The following USP42 variants were observed in gnomAD, a reference collection of about 807,000 sequenced individuals.
USP42 encodes the protein ubiquitin carboxyl-terminal hydrolase 42.
Under a neutral mutation model 113.0 loss-of-function variants are expected in USP42, and 23 were observed. The observed-to-expected ratio is 0.20, with a 90% CI of 0.15 to 0.29. The LOEUF (loss-of-function observed/expected upper bound fraction) is 0.29. Among genes scored for constraint, USP42 ranks in the 10% least tolerant of loss-of-function variants. The pLI is 1.00. For synonymous variants in USP42, 933 were observed against 699.0 expected (o/e 1.33, Z -5.28); for missense variants, 2,174 against 1,779.8 (o/e 1.22, Z -3.99).
In USP42 at chr7:6,116,761, C is replaced by T. The variant is rs755183520; in HGVS notation, c.442+1238C>T. 20 of 532,766 alleles carry T rather than the reference C, an allele frequency of 3.8e-5. 1 individual carries two copies. The highest frequency in any genetic ancestry group is 1.3e-4 in the South Asian group (9 of 71,450). 33.0% of individuals were successfully genotyped at this position (532,766 alleles called of 1,614,324 possible). ...GGGGTGTTTGTTATGCCAGAATTAA[C>T]GTTCTGTTTGCCCTCATTTTCTCCC... On this transcript the variant is annotated intron_variant, in intron 3 of 17. Transcript: ENST00000306177.
intron 2 of USP42, among the ~76,000 whole-genome samples, chr7:6,113,957 C>G (rs1158413237): frequency 1.3e-5 from 2 of 152,190 alleles, no homozygotes; most frequent in African/African-American, 2.4e-5. Flanking sequence ...GGGGGACTGC[C>G]AAAGCCTTTG....
At chr7:6,132,502 C>T (rs889003930) in intron 3 of USP42, among the ~76,000 whole-genome samples, 9 of 148,732 alleles carry the variant, frequency 6.1e-5, no homozygotes, top group African/African-American at 2.0e-4. Flanking sequence ...GGGTTACAGG[C>T]GCACACCACC....
In USP42 at chr7:6,111,765, G is replaced by C. The variant is rs1464538490; in HGVS notation, c.241+391G>C. The C allele has an allele frequency of 2.2e-5, 3 of 136,430 alleles. No individual in the cohort carries two copies. The East Asian group carries it at 7.7e-4, about 35-fold the overall frequency. The allele number at this position is 136,430 out of a possible 1,614,324, so 8.5% of individuals were successfully genotyped here. A position where few individuals can be genotyped will look rare whatever the true frequency, so the allele number is the denominator to read the frequency against. ...CTACAGGCGCCTGCCACCAAGCCCG[G>C]CTAATTTTTTTTTTTTTTTTTGTAT... On this transcript the variant is annotated intron_variant, in intron 2 of 17. Transcript: ENST00000306177.
At chr7:6,087,641 C>T in the USP42 span, among the ~76,000 whole-genome samples, 3 of 151,102 alleles carry the variant, frequency 2.0e-5, no homozygotes, top group Non-Finnish European at 4.4e-5. Flanking sequence ...CCGCCTCACA[C>T]TTCTTTAACT....
intron 15 of USP42, 95 bp from the exon 16 acceptor site, chr7:6,156,659 T>A: frequency 6.9e-7 from 1 of 1,443,262 alleles, no homozygotes; most frequent in Non-Finnish European, 9.1e-7. Context: ...GCACAGTGAA[T>A]GTTCTCGGTG....
Position 6,154,220 on chromosome 7 carries a change from G to C in USP42, c.2666G>C (p.Ser889Thr). ...HARDAQDPSQ[S>T]LGAPEAAERP... ...CGGGACGCTCAGGACCCATCCCAGA[G>C]CTTGGGCGCACCCGAGGCCGCAGAG... is the stretch of plus-strand genomic sequence containing the variant. Residue 889 changes from serine (S) to threonine (T), a missense_variant, in exon 15 of 18, where the codon AGC becomes ACC. Transcript: ENST00000306177. 6.2e-7 allele frequency: 1 copy of C among 1,607,068 alleles called. No homozygotes were observed. Among genetic ancestry groups the C allele is most frequent in the Non-Finnish European group, 8.5e-7 (1 of 1,178,998 alleles).
chr7:6,133,659 A>G (rs1289788990), intron 3 of USP42, among the ~76,000 whole-genome samples: 1 of 151,892 alleles, frequency 6.6e-6, no homozygotes, highest in African/African-American at 2.4e-5. Context: ...AGCTGAGACT[A>G]CAAGCACGTG....
chr7:6,128,968 G>T (rs973097047), intron 3 of USP42, among the ~76,000 whole-genome samples: 3 of 152,126 alleles, frequency 2.0e-5, no homozygotes, highest in Middle Eastern at 6.8e-3. Context: ...CTACAGCTGT[G>T]CGCGACCATG....
Position 6,157,889 on chromosome 7 carries a change from G to C in USP42, c.3943+834G>C, listed in dbSNP as rs1473392898. Among the ~76,000 whole-genome samples, 1 of 152,158 alleles carries C rather than the reference G, an allele frequency of 6.6e-6. No individual in the cohort carries two copies. The highest frequency in any genetic ancestry group is 1.5e-5 in the Non-Finnish European group (1 of 68,034). The stretch of plus-strand genomic sequence containing the variant: ...TCTCCGTCCTGTGGCCACACGCTGT[G>C]CTCTTACTGCACTTGAGGCAGCCCC... On this transcript the variant is annotated intron_variant, in intron 16 of 17. Transcript: ENST00000306177. This position sits in a 1 kb window ranked among gnomAD's most constrained non-coding sequence, Gnocchi z 4.1.
the USP42 span, among the ~76,000 whole-genome samples, chr7:6,092,627 G>T: frequency 2.0e-5 from 3 of 151,202 alleles, no homozygotes; most frequent in Non-Finnish European, 4.4e-5. Context: ...ACAGCTCCGG[G>T]TTCCAAACAA....
At chr7:6,105,504 CG>C (rs1448019456) in intron 1 of USP42, among the ~76,000 whole-genome samples, 1 of 149,488 alleles carries the variant, frequency 6.7e-6, no homozygotes, top group Non-Finnish European at 1.5e-5. Flanking sequence ...CCTCCCGCCC[CG>C]GAGCCCCCTC....
chr7:6,151,299 AT>A (rs1360800928), intron 14 of USP42, among the ~76,000 whole-genome samples: 1 of 152,222 alleles, frequency 6.6e-6, no homozygotes, highest in African/African-American at 2.4e-5. Context: ...AAAAAAATTG[AT>A]TTCTTCAATA....
At chr7:6,140,288 G>C in intron 6 of USP42, 93 bp downstream of exon 6, 2 of 1,177,442 alleles carry the variant, frequency 1.7e-6, no homozygotes, top group Non-Finnish European at 2.5e-6. Context: ...AGGAAGGAAG[G>C]AAAAGTGCTT....
At chr7:6,115,686 G>A (rs567522278) in intron 3 of USP42, among the ~76,000 whole-genome samples, 163 bp downstream of exon 3, 1 of 152,274 alleles carries the variant, frequency 6.6e-6, no homozygotes, top group Non-Finnish European at 1.5e-5. Flanking sequence ...TGGGATTCAG[G>A]TTGCATGAAA....
rs563593360 is a variant in USP42, at chr7:6,136,411, T to A, written c.553+460T>A. Among the ~76,000 whole-genome samples the A allele has an allele frequency of 8.3e-4, 126 of 152,286 alleles. 1 individual carries two copies. Among genetic ancestry groups the A allele is most frequent in the African/African-American group, 2.9e-3 (120 of 41,568 alleles). On this transcript the variant is annotated intron_variant, in intron 4 of 17. Coordinates refer to ENST00000306177, the MANE Select transcript of USP42 (RefSeq NM_032172.3). ...CGTGGCTATGTCTTTGATAACAAATTTTTAGTAAAACATTTGCTATATAAA... is the reference window on the plus strand; with the variant it reads ...CGTGGCTATGTCTTTGATAACAAATATTTAGTAAAACATTTGCTATATAAA...
At chr7:6,128,225 T>A (rs956898208) in intron 3 of USP42, 6 of 152,216 alleles carry the variant, frequency 3.9e-5, no homozygotes, top group African/African-American at 1.5e-4. Context: ...AGTGTTGGAA[T>A]TACAGGTGTG....
upstream of USP42, among the ~76,000 whole-genome samples, chr7:6,101,026 G>A (rs1043496106): frequency 1.3e-5 from 2 of 150,756 alleles, no homozygotes; most frequent in Non-Finnish European, 2.9e-5. Context: ...GAATTTAGGC[G>A]CACAAGATTT....
In USP42 at chr7:6,139,642, G is replaced by T; in HGVS notation, c.656+448G>T. 1 of 203,812 alleles carries T rather than the reference G, an allele frequency of 4.9e-6. No individual in the cohort carries two copies. Among genetic ancestry groups the T allele is most frequent in the Non-Finnish European group, 9.9e-6 (1 of 101,174 alleles). 12.6% of individuals were successfully genotyped at this position (203,812 alleles called of 1,614,324 possible). On this transcript the variant is annotated intron_variant, in intron 5 of 17. Coordinates refer to ENST00000306177, the MANE Select transcript of USP42 (RefSeq NM_032172.3). The surrounding 1 kb of genome is among the most constrained non-coding windows in gnomAD (Gnocchi z 4.5). Reference sequence around the variant, plus strand: ...AATGCAGACTCAAGAGGAAGAACGAGGGGACAGATAATGCATCCCAAGCCG... The same window carrying T: ...AATGCAGACTCAAGAGGAAGAACGATGGGACAGATAATGCATCCCAAGCCG...
intron 3 of USP42, among the ~76,000 whole-genome samples, chr7:6,127,963 C>T (rs1780629696): frequency 1.3e-5 from 2 of 151,926 alleles, no homozygotes; most frequent in South Asian, 4.2e-4. Context: ...TGTTCTGTGA[C>T]CCAGGCTTTG....
Sources: allele counts gnomAD v4.1 joint callset (sites outside exome capture counted in the v4.1 genomes callset), GRCh38; gene constraint gnomAD v4.1.1; non-coding constraint Gnocchi (gnomAD v3.1); transcripts MANE v1.5; gene names NCBI Gene and HGNC (gene_info 2026-07-23, HGNC 2026-07-21).